Variants in DYRK1A observed in about 807,000 individuals in gnomAD.
The protein encoded by DYRK1A is dual specificity tyrosine-phosphorylation-regulated kinase 1A.
Under a neutral mutation model 79.7 loss-of-function variants are expected in DYRK1A, and 9 were observed. The observed-to-expected ratio is 0.11, with a 90% CI of 0.07 to 0.20. The LOEUF (loss-of-function observed/expected upper bound fraction) is 0.20, where lower values mean the gene tolerates loss of function less well. Among genes scored for constraint, DYRK1A ranks in the 10% least tolerant of loss-of-function variants. The probability of loss-of-function intolerance (pLI) is 1.00; values close to 1 mark genes in which losing one functional copy is unlikely to be tolerated. For synonymous variants in DYRK1A, 349 were observed against 329.7 expected (o/e 1.06, Z -0.63); for missense variants, 622 against 956.0 (o/e 0.65, Z 4.61).
Position 37,512,677 on chromosome 21 carries a change from T to C in DYRK1A, c.*146T>C, listed in dbSNP as rs751902426. On this transcript the variant is annotated 3_prime_UTR_variant, in exon 12 of 12. Transcript: ENST00000647188. Reference sequence around the variant, plus strand: ...GGGCAAAGCTGATTTTTTTTTTAACTTGAAAAGATTGCAAAGGGACATTGA... The same window carrying C: ...GGGCAAAGCTGATTTTTTTTTTAACCTGAAAAGATTGCAAAGGGACATTGA... The C allele has an allele frequency of 2.0e-4, 181 of 893,752 alleles. No homozygotes were observed. Among genetic ancestry groups the C allele is most frequent in the Non-Finnish European group, 2.8e-4 (169 of 601,148 alleles). The allele number at this position is 893,752 out of a possible 1,614,324, so 55.4% of individuals were successfully genotyped here.
At chr21:37,465,626 C>A (rs1002458922) in intron 2 of DYRK1A, among the ~76,000 whole-genome samples, 13 of 152,094 alleles carry the variant, frequency 8.5e-5, no homozygotes, top group African/African-American at 2.9e-4. Context: ...CACCTGAGGT[C>A]AGGAGTTCAA....
intron 3 of DYRK1A, among the ~76,000 whole-genome samples, chr21:37,474,241 T>A (rs74576265): frequency 1.6e-4 from 24 of 152,232 alleles, no homozygotes; most frequent in Admixed American, 2.6e-4. Context: ...TTTTTATCAT[T>A]ATATTATTTT....
At chr21:37,440,279 T>C (rs1455411959) in intron 2 of DYRK1A, among the ~76,000 whole-genome samples, 4 of 151,066 alleles carry the variant, frequency 2.6e-5, no homozygotes, top group African/African-American at 9.7e-5. Flanking sequence ...GGGACTACAG[T>C]TGTGTGCCAC....
At chr21:37,409,756 G>T (rs2050210615) in intron 1 of DYRK1A, among the ~76,000 whole-genome samples, 2 of 152,192 alleles carry the variant, frequency 1.3e-5, no homozygotes, top group South Asian at 4.1e-4. Flanking sequence ...CTTTCTTCGA[G>T]TGTTTTCTAT....
chr21:37,463,753 G>A (rs2051931456), intron 2 of DYRK1A, among the ~76,000 whole-genome samples: 1 of 152,248 alleles, frequency 6.6e-6, no homozygotes, highest in South Asian at 2.1e-4. Flanking sequence ...TTTATTTCCG[G>A]CCATCATTAG....
chr21:37,386,789 G>C (rs771500752), intron 1 of DYRK1A, among the ~76,000 whole-genome samples: 1 of 152,154 alleles, frequency 6.6e-6, no homozygotes, highest in African/African-American at 2.4e-5. Flanking sequence ...TCACTGGCAG[G>C]CTCTATCCTC....
chr21:37,508,297 T>G (rs1011125452), intron 11 of DYRK1A, among the ~76,000 whole-genome samples: 2 of 152,156 alleles, frequency 1.3e-5, no homozygotes, highest in Non-Finnish European at 2.9e-5. Flanking sequence ...ACTTTTTTTC[T>G]CCCCTGCTGA....
chr21:37,455,025 T>TC (rs1309993463), intron 2 of DYRK1A, among the ~76,000 whole-genome samples: 1 of 150,906 alleles, frequency 6.6e-6, no homozygotes, highest in Admixed American at 6.6e-5. Flanking sequence ...TCACCTTTTT[T>TC]TTTTTTTTTT....
chr21:37,414,222 AAGG>A (rs748666323), intron 1 of DYRK1A, among the ~76,000 whole-genome samples: 2 of 151,068 alleles, frequency 1.3e-5, no homozygotes, highest in Non-Finnish European at 2.9e-5. Context: ...AGAATACAGA[AAGG>A]AGAAGTGGAT....
At chr21:37,391,715 G>T (rs931515528) in intron 1 of DYRK1A, among the ~76,000 whole-genome samples, 2 of 152,120 alleles carry the variant, frequency 1.3e-5, no homozygotes, top group Non-Finnish European at 2.9e-5. Context: ...AGATTCTCTT[G>T]ATAACCTAGC....
intron 1 of DYRK1A, among the ~76,000 whole-genome samples, chr21:37,404,433 G>A (rs1206441439): frequency 6.6e-6 from 1 of 152,146 alleles, no homozygotes; most frequent in African/African-American, 2.4e-5. Context: ...CTGTGGCTCA[G>A]GTTGTTTCAC....
rs1183029117 is a variant in DYRK1A at position 37,479,606 on chromosome 21, G to GTTTTTTTTTTTTTT, written c.301-1027_301-1026insTTTTTTTTTTTTTT. Reference sequence around the variant, plus strand: ...GTGTTGGTGTTTTGTTTTTGTTTTTGTTTTTGTTTTTTGTTTTTTTTTTTT... The same window carrying GTTTTTTTTTTTTTT: ...GTGTTGGTGTTTTGTTTTTGTTTTTGTTTTTTTTTTTTTTTTTTTGTTTTTTGTTTTTTTTTTTT... On this transcript the variant is annotated intron_variant, in intron 4 of 11. Coordinates refer to ENST00000647188, the MANE Select transcript of DYRK1A (RefSeq NM_001347721.2). 4.6e-3 allele frequency among the ~76,000 whole-genome samples: 128 copies of GTTTTTTTTTTTTTT among 27,582 alleles called. 16 individuals are homozygous for GTTTTTTTTTTTTTT. Among genetic ancestry groups the GTTTTTTTTTTTTTT allele is most frequent in the East Asian group, 0.017 (15 of 880 alleles). The allele number at this position is 27,582 out of a possible 152,430, so 18.1% of individuals were successfully genotyped here.
At chr21:37,398,352 AAAAAT>A (rs1186834459) in intron 1 of DYRK1A, among the ~76,000 whole-genome samples, 1 of 151,734 alleles carries the variant, frequency 6.6e-6, no homozygotes, top group Non-Finnish European at 1.5e-5. Context: ...TTAAAAAAAA[AAAAAT>A]AAAAGTGCCG....
At chr21:37,398,691 A>G (rs1383451590) in intron 1 of DYRK1A, among the ~76,000 whole-genome samples, 3 of 152,206 alleles carry the variant, frequency 2.0e-5, no homozygotes, top group Non-Finnish European at 2.9e-5. Flanking sequence ...AATGAGACAC[A>G]TTGTCTGCCC....
intron 2 of DYRK1A, among the ~76,000 whole-genome samples, chr21:37,458,465 C>T (rs1208735403): frequency 6.6e-6 from 1 of 152,180 alleles, no homozygotes; most frequent in African/African-American, 2.4e-5. Context: ...CTTTGAGGCA[C>T]ATTTCCTGTC....
chr21:37,508,991 T>C (rs2148657560), intron 11 of DYRK1A, among the ~76,000 whole-genome samples: 1 of 152,324 alleles, frequency 6.6e-6, no homozygotes, highest in South Asian at 2.1e-4. Context: ...ACCGCGTTCT[T>C]CCCACCTGGA....
intron 1 of DYRK1A, among the ~76,000 whole-genome samples, chr21:37,373,387 A>G (rs2049472044): frequency 6.6e-6 from 1 of 152,234 alleles, no homozygotes; most frequent in Admixed American, 6.5e-5. Flanking sequence ...GTTGGTTGGT[A>G]GCTAATATTT....
chr21:37,391,894 A>C (rs1388338978), intron 1 of DYRK1A, among the ~76,000 whole-genome samples: 3 of 152,222 alleles, frequency 2.0e-5, no homozygotes, highest in Non-Finnish European at 4.4e-5. Flanking sequence ...CAGGGCATGT[A>C]GTAGGTGTGT....
rs1601338690 is a variant in DYRK1A, at chr21:37,512,987, T to TTGG, written c.*456_*457insTGG. On this transcript the variant is annotated 3_prime_UTR_variant, in exon 12 of 12. Transcript: ENST00000647188. ...TTTTTTGTTTTGTTCTGTTTTGTTT[T>TTGG]GGGTGGGAGGGTGGGAAATTTGGGT... is the stretch of plus-strand genomic sequence containing the variant. 8.3e-5 allele frequency: 1 copy of TTGG among 12,082 alleles called. No individual in the cohort carries two copies. Among genetic ancestry groups the TTGG allele is most frequent in the Admixed American group, 9.6e-4 (1 of 1,040 alleles). The allele number at this position is 12,082 out of a possible 1,614,324, so 0.7% of individuals were successfully genotyped here.
Sources: gnomAD v4.1 joint callset for allele counts (sites outside exome capture counted in the v4.1 genomes callset) on GRCh38, gnomAD v4.1.1 for gene constraint, MANE v1.5 for transcripts, NCBI Gene and HGNC (gene_info 2026-07-23, HGNC 2026-07-21) for gene names.